SHROOM2: variants seen among roughly 807,000 people sequenced by gnomAD.
SHROOM2 encodes the protein shroom family member 2, also known as protein Shroom2.
A neutral mutation model predicts 75.9 loss-of-function variants in SHROOM2; 33 were observed. The ratio of observed to expected loss-of-function variants is 0.43; its 90% CI spans 0.33 to 0.58. The LOEUF (loss-of-function observed/expected upper bound fraction) is 0.58, where lower values mean the gene tolerates loss of function less well. SHROOM2 is among the 20% of genes least tolerant of loss of function. SHROOM2 has a pLI of 0.04. For synonymous variants in SHROOM2, 655 were observed against 663.6 expected (o/e 0.99, Z 0.20); for missense variants, 1,434 against 1,461.2 (o/e 0.98, Z 0.30).
intron 8 of SHROOM2, among the ~76,000 whole-genome samples, chrX:9,940,900 A>G (rs990188175): frequency 9.0e-6 from 1 of 111,710 alleles, no homozygotes; most frequent in Admixed American, 9.6e-5. Flanking sequence ...GAGCCAAATC[A>G]GGGAACCCTC....
chrX:9,826,573 A>G (rs1271000387), intron 1 of SHROOM2, among the ~76,000 whole-genome samples: 1 of 110,423 alleles, frequency 9.1e-6, no homozygotes, highest in Non-Finnish European at 1.9e-5. Flanking sequence ...GGGGTTCAAG[A>G]GCAGTCTGGG....
At chrX:9,834,419 A>T (rs1243189225) in intron 1 of SHROOM2, among the ~76,000 whole-genome samples, 1 of 112,172 alleles carries the variant, frequency 8.9e-6, no homozygotes, top group Non-Finnish European at 1.9e-5. Flanking sequence ...TGCCTGCAGA[A>T]CCGAGCCGGC....
At chrX:9,857,293 A>G (rs1363341397) in intron 1 of SHROOM2, among the ~76,000 whole-genome samples, 1 of 111,629 alleles carries the variant, frequency 9.0e-6, no homozygotes, top group Non-Finnish European at 1.9e-5. Flanking sequence ...CCTGCACCAG[A>G]GCATGCCAGT....
At chrX:9,834,085 A>C (rs988439888) in intron 1 of SHROOM2, among the ~76,000 whole-genome samples, 1 of 112,609 alleles carries the variant, frequency 8.9e-6, no homozygotes, top group African/African-American at 3.2e-5. Context: ...GGGGGATGCC[A>C]CTGGCCTTTG....
chrX:9,868,339 G>A (rs915382346), intron 1 of SHROOM2, among the ~76,000 whole-genome samples: 3 of 108,968 alleles, frequency 2.8e-5, no homozygotes, highest in African/African-American at 1.0e-4. Flanking sequence ...TCCACCTTCC[G>A]GGTTCAAGCG....
chrX:9,792,096 G>C (rs1232941021), intron 1 of SHROOM2, among the ~76,000 whole-genome samples: 1 of 15,515 alleles, frequency 6.4e-5, no homozygotes, highest in Admixed American at 1.3e-3. Flanking sequence ...GAATAGAATA[G>C]AATAGAATAG....
chrX:9,938,840 G>T (rs45554842), intron 7 of SHROOM2, among the ~76,000 whole-genome samples: 24,014 of 110,524 alleles, frequency 0.22, 2,051 homozygotes, highest in African/African-American at 0.31. Context: ...GAGAAGGGTT[G>T]GTGTTTGTAG....
chrX:9,811,403 C>T (rs2083790811), intron 1 of SHROOM2, among the ~76,000 whole-genome samples: 1 of 112,021 alleles, frequency 8.9e-6, no homozygotes, highest in Non-Finnish European at 1.9e-5. Context: ...AAGGGTCATC[C>T]TATCCAGTTG....
At chrX:9,892,421 C>CA (rs1237084065) in intron 3 of SHROOM2, among the ~76,000 whole-genome samples, 1 of 109,362 alleles carries the variant, frequency 9.1e-6, no homozygotes, top group African/African-American at 3.3e-5. Context: ...AAAAAAAACA[C>CA]AAAAAAACAA....
At chrX:9,916,536 G>C (rs989376540) in intron 5 of SHROOM2, among the ~76,000 whole-genome samples, 2 of 112,188 alleles carry the variant, frequency 1.8e-5, no homozygotes, top group African/African-American at 6.5e-5. Context: ...CCTCCAAAAA[G>C]TGTATGCTTA....
At chrX:9,944,581 C>T (rs1027773840) in intron 8 of SHROOM2, 60 bp from the exon 9 acceptor site, 20 of 1,124,185 alleles carry the variant, frequency 1.8e-5, no homozygotes, top group Admixed American at 1.6e-4. Context: ...GCAGTGTGGC[C>T]GGGGTGGGGG....
chrX:9,855,202 G>A (rs1325351234), intron 1 of SHROOM2, among the ~76,000 whole-genome samples: 1 of 99,736 alleles, frequency 1.0e-5, no homozygotes, highest in Admixed American at 1.2e-4. Context: ...TGTAGGTGAC[G>A]GGTTGATGGG....
chrX:9,923,203 C>T (rs1339522037), intron 5 of SHROOM2, among the ~76,000 whole-genome samples: 2 of 110,753 alleles, frequency 1.8e-5, no homozygotes, highest in African/African-American at 6.6e-5. Flanking sequence ...GAGTGGACCT[C>T]CACAAGCTGC....
At chrX:9,910,687 T>A (rs775293725) in intron 5 of SHROOM2, among the ~76,000 whole-genome samples, 4 of 109,827 alleles carry the variant, frequency 3.6e-5, no homozygotes, top group Non-Finnish European at 7.6e-5. Context: ...CATGGTGGCG[T>A]GCACCTGTAA....
intron 1 of SHROOM2, among the ~76,000 whole-genome samples, chrX:9,871,443 C>G (rs1390819758): frequency 9.0e-6 from 1 of 111,460 alleles, no homozygotes; most frequent in Admixed American, 9.6e-5. Flanking sequence ...CTTGGTCTCC[C>G]TCTTGGGGCA....
At chrX:9,827,240 TGAGACAGGGTC>T (rs1434498266) in intron 1 of SHROOM2, among the ~76,000 whole-genome samples, 6 of 98,796 alleles carry the variant, frequency 6.1e-5, no homozygotes, top group Admixed American at 1.1e-4. Context: ...TTTTTTTTTT[TGAGACAGGGTC>T]TTATTGTGTC....
chrX:9,806,500 A>G (rs1474546155), intron 1 of SHROOM2, among the ~76,000 whole-genome samples: 2 of 104,309 alleles, frequency 1.9e-5, no homozygotes, highest in East Asian at 3.2e-4. Context: ...GTGTATATAT[A>G]TGTGTGTGTA....
chrX:9,873,776 A>G lies in SHROOM2; in HGVS notation c.290A>G (p.His97Arg). 2 of 1,211,732 alleles carry G rather than the reference A, an allele frequency of 1.7e-6. No individual in the cohort carries two copies. The highest frequency in any genetic ancestry group is 2.2e-6 in the Non-Finnish European group (2 of 895,501). ...QEAICLVKGS[H>R]KTLKLVVKRR... is the part of the protein sequence containing the mutation. ...GCGATTTGCCTGGTGAAGGGGTCCC[A>G]TAAGACCCTGAAGCTGGTCGTCAAA... The change falls in exon 2 of 10, where the codon CAT (histidine) becomes CGT (arginine). Residue 97 changes from histidine (H) to arginine (R), a missense_variant. His to Arg is a conservative substitution (Grantham distance 29). Transcript: ENST00000380913.
At chrX:9,877,718 A>G (rs909366090) in intron 2 of SHROOM2, among the ~76,000 whole-genome samples, 2 of 111,991 alleles carry the variant, frequency 1.8e-5, no homozygotes, top group African/African-American at 6.5e-5. Context: ...CCTTAAGCAC[A>G]AGTTCTTGGG....
Sources: gnomAD v4.1 joint callset for allele counts (sites outside exome capture counted in the v4.1 genomes callset) on GRCh38, gnomAD v4.1.1 for gene constraint, MANE v1.5 for transcripts, NCBI Gene and HGNC (gene_info 2026-07-23, HGNC 2026-07-21) for gene names.